Variants in HSDL2 observed in about 807,000 individuals in gnomAD.
HSDL2 encodes the protein hydroxysteroid dehydrogenase like 2, also known as hydroxysteroid dehydrogenase-like protein 2.
A neutral mutation model predicts 46.3 loss-of-function variants in HSDL2; 27 were observed. The observed-to-expected ratio is 0.58, with a 90% CI of 0.43 to 0.80. HSDL2 has a LOEUF of 0.80. Ranked by LOEUF, HSDL2 falls within the 30% of genes least tolerant of loss-of-function variation. The pLI is 0.00. For synonymous variants in HSDL2, 153 were observed against 163.6 expected, an observed-to-expected ratio of 0.94 and a Z score of 0.50; for missense variants, 451 against 502.7, an observed-to-expected ratio of 0.90 and a Z score of 0.98.
At chr9:112,416,447 C>T (rs999626174) in intron 4 of HSDL2, among the ~76,000 whole-genome samples, 1 of 140,110 alleles carries the variant, frequency 7.1e-6, no homozygotes, top group Non-Finnish European at 1.5e-5. Flanking sequence ...AAAAAACAAA[C>T]AAAAAAAAAG....
At chr9:112,470,389 G>A in intron 10 of HSDL2, 43 bp from the exon 11 acceptor site, 3 of 1,158,930 alleles carry the variant, frequency 2.6e-6, no homozygotes, top group South Asian at 2.5e-5. Context: ...TATCCCTAAG[G>A]GCACTAATGG....
intron 1 of HSDL2, among the ~76,000 whole-genome samples, chr9:112,400,598 T>TC (rs1235773890): frequency 6.6e-6 from 1 of 152,230 alleles, no homozygotes; most frequent in Admixed American, 6.5e-5. Context: ...AGAGTGAGAC[T>TC]CCGTCTCAAA....
rs763776369 is a variant in HSDL2, at chr9:112,459,515, C to T, written c.1082C>T (p.Pro361Leu). 4.3e-6 allele frequency: 7 copies of T among 1,613,754 alleles called. No individual in the cohort carries two copies. Among genetic ancestry groups the T allele is most frequent in the South Asian group, 3.3e-5 (3 of 91,086 alleles). Residue 361 changes from proline to leucine, a missense_variant, in exon 10 of 11, where the codon CCT (proline) becomes CTT (leucine). Physicochemically the swap from Pro to Leu is moderately conservative, Grantham distance 98. Coordinates refer to ENST00000398805, the MANE Select transcript of HSDL2 (RefSeq NM_032303.5). ...GGTGGGAATGTCGGATATGGAGAGC[C>T]TTCTGATCAGGCAGATGTGGTGATG... Reference protein sequence around the residue: ...SKGGNVGYGEPSDQADVVMSM... With the variant: ...SKGGNVGYGELSDQADVVMSM...
chr9:112,435,942 G>A (rs1444329486), intron 6 of HSDL2, among the ~76,000 whole-genome samples: 1 of 151,702 alleles, frequency 6.6e-6, no homozygotes, highest in Non-Finnish European at 1.5e-5. Context: ...TCAAGAGTGA[G>A]ACCAGAGCTC....
intron 6 of HSDL2, among the ~76,000 whole-genome samples, chr9:112,435,238 A>C (rs1832498467): frequency 6.6e-6 from 1 of 152,164 alleles, no homozygotes; most frequent in South Asian, 2.1e-4. Context: ...TCACACACAC[A>C]CACACAGCAT....
intron 9 of HSDL2, among the ~76,000 whole-genome samples, chr9:112,454,660 C>T (rs1448911914): frequency 6.6e-6 from 1 of 152,004 alleles, no homozygotes; most frequent in East Asian, 1.9e-4. Context: ...TTAACCAGGT[C>T]GGTCTGACGG....
At chr9:112,462,984 G>A (rs2132711023) in intron 10 of HSDL2, among the ~76,000 whole-genome samples, 1 of 152,198 alleles carries the variant, frequency 6.6e-6, no homozygotes. Flanking sequence ...CTTAGCATAG[G>A]CTTTTGATAT....
intron 1 of HSDL2, among the ~76,000 whole-genome samples, chr9:112,392,509 G>C (rs1343436369): frequency 6.6e-6 from 1 of 152,130 alleles, no homozygotes; most frequent in Non-Finnish European, 1.5e-5. Context: ...GCCGTTGATA[G>C]ACCTGCCCCC....
intron 6 of HSDL2, among the ~76,000 whole-genome samples, chr9:112,419,228 C>T (rs1017772573): frequency 6.6e-5 from 10 of 152,038 alleles, no homozygotes; most frequent in Admixed American, 2.6e-4. Context: ...AGGCTGGTCT[C>T]GAACTCCTCA....
intron 10 of HSDL2, among the ~76,000 whole-genome samples, chr9:112,469,171 T>C (rs1266070860): frequency 6.6e-6 from 1 of 152,124 alleles, no homozygotes; most frequent in Non-Finnish European, 1.5e-5. Context: ...CTACCTATAA[T>C]AACTCCATGA....
chr9:112,385,336 T>C (rs1001303019), intron 1 of HSDL2, among the ~76,000 whole-genome samples: 4 of 152,114 alleles, frequency 2.6e-5, no homozygotes, highest in African/African-American at 9.7e-5. Context: ...TATTTATTTA[T>C]TTATTTTTTT....
intron 9 of HSDL2, among the ~76,000 whole-genome samples, chr9:112,456,331 G>C (rs1833021795): frequency 6.6e-6 from 1 of 152,076 alleles, no homozygotes; most frequent in Non-Finnish European, 1.5e-5. Flanking sequence ...CACATAATTG[G>C]TTTTCAGCAA....
At chr9:112,469,666 CAAAAAAAAAAAA>C (rs398046829) in intron 10 of HSDL2, 1 of 52,598 alleles carries the variant, frequency 1.9e-5, no homozygotes, top group African/African-American at 7.3e-5. Context: ...GACCTTGTCT[CAAAAAAAAAAAA>C]AAAAAAAAAA....
chr9:112,445,609 C>G (rs1368374557), intron 8 of HSDL2, among the ~76,000 whole-genome samples: 2 of 152,066 alleles, frequency 1.3e-5, no homozygotes, highest in African/African-American at 4.8e-5. Context: ...ACTGCAACCT[C>G]CACCGCCCAG....
chr9:112,412,328 T>C (rs2150258), intron 4 of HSDL2, among the ~76,000 whole-genome samples: 66,650 of 151,990 alleles, frequency 0.44, 14,874 homozygotes, highest in South Asian at 0.51. Context: ...TTCCAAGGTA[T>C]TGACAAATAT....
chr9:112,416,505 CACTTCGGG>C (rs780535133), intron 4 of HSDL2, among the ~76,000 whole-genome samples: 2 of 151,108 alleles, frequency 1.3e-5, no homozygotes, highest in Non-Finnish European at 2.9e-5. Context: ...ATAATCCTGG[CACTTCGGG>C]AGTCTGAGGT....
Position 112,442,427 on chromosome 9 carries a change from T to C in HSDL2, c.865+657T>C, listed in dbSNP as rs184231973. On this transcript the variant is annotated intron_variant, in intron 8 of 10. Coordinates refer to ENST00000398805, the MANE Select transcript of HSDL2 (RefSeq NM_032303.5). ...TGATATGTTATTTTGAGGAAAAGTGTGTCATATATCAAATACATCTAACAC... is the reference window on the plus strand; with the variant it reads ...TGATATGTTATTTTGAGGAAAAGTGCGTCATATATCAAATACATCTAACAC... 1.4e-4 allele frequency among the ~76,000 whole-genome samples: 22 copies of C among 152,316 alleles called. No homozygotes were observed. The East Asian group carries it at 3.3e-3, about 23-fold the overall frequency.
At chr9:112,404,189 T>C (rs780661802) in intron 2 of HSDL2, 31 bp downstream of exon 2, 8 of 1,602,170 alleles carry the variant, frequency 5.0e-6, no homozygotes, top group Non-Finnish European at 6.8e-6. Context: ...TGATAAAATG[T>C]CTTTCTAGTG....
chr9:112,381,792 T>A (rs1328980509), intron 1 of HSDL2, among the ~76,000 whole-genome samples: 1 of 152,256 alleles, frequency 6.6e-6, no homozygotes, highest in Admixed American at 6.5e-5. Flanking sequence ...TACCTTTGTT[T>A]ATTTAACCTG....
Sources: allele counts gnomAD v4.1 joint callset (sites outside exome capture counted in the v4.1 genomes callset), GRCh38; gene constraint gnomAD v4.1.1; transcripts MANE v1.5; gene names NCBI Gene and HGNC (gene_info 2026-07-23, HGNC 2026-07-21).